Variants in ITCH observed in about 807,000 individuals in gnomAD.
The protein encoded by ITCH is E3 ubiquitin-protein ligase Itchy homolog.
A neutral mutation model predicts 126.8 loss-of-function variants in ITCH; 28 were observed. The ratio of observed to expected loss-of-function variants is 0.22; its 90% confidence interval spans 0.16 to 0.30. The LOEUF (loss-of-function observed/expected upper bound fraction) is 0.30. Ranked by LOEUF, ITCH falls within the 10% of genes least tolerant of loss-of-function variation. The pLI is 1.00. For missense variants in ITCH, 631 were observed against 1,032.4 expected (o/e 0.61, Z 5.33); for synonymous variants, 342 against 340.0 (o/e 1.01, Z -0.06).
intron 14 of ITCH, among the ~76,000 whole-genome samples, chr20:34,466,982 C>G (rs1452331382): frequency 6.6e-6 from 1 of 152,016 alleles, no homozygotes; most frequent in Admixed American, 6.6e-5. Flanking sequence ...GCGCCCAAAG[C>G]TAGAAGATAA....
chr20:34,422,857 T>C (rs949586043), intron 6 of ITCH, among the ~76,000 whole-genome samples: 28 of 151,972 alleles, frequency 1.8e-4, no homozygotes, highest in African/African-American at 6.5e-4. Flanking sequence ...TGCAGTGGTG[T>C]GATCTCTGCT....
At chr20:34,451,428 C>G (rs1337921745) in intron 12 of ITCH, among the ~76,000 whole-genome samples, 1 of 152,004 alleles carries the variant, frequency 6.6e-6, no homozygotes, top group Non-Finnish European at 1.5e-5. Flanking sequence ...CTATTGCACT[C>G]CAGCCCGGGT....
Position 34,469,005 on chromosome 20 carries a change from A to C in ITCH, c.1425-1043A>C, listed in dbSNP as rs531742348. Among the ~76,000 whole-genome samples, 72 of 152,206 alleles carry C rather than the reference A, an allele frequency of 4.7e-4. 1 individual carries two copies. The highest frequency in any genetic ancestry group is 1.4e-3 in the South Asian group (7 of 4,836). On this transcript the variant is annotated intron_variant, in intron 14 of 24. Transcript: ENST00000374864. ...CAGTTGTATTTCTACACTGATATAC[A>C]TTGAATTTTTAAGAGGGAGATAATG...
chr20:34,397,696 T>A (rs1294479341), intron 3 of ITCH, among the ~76,000 whole-genome samples: 1 of 152,194 alleles, frequency 6.6e-6, no homozygotes, highest in Non-Finnish European at 1.5e-5. Context: ...AAGAAAGATA[T>A]TACTATTTCT....
chr20:34,442,268 A>G lies in ITCH; in HGVS notation c.930A>G (p.Arg310=). The change falls in exon 10 of 25, where the codon AGA becomes AGG. Residue 310 remains arginine, a synonymous_variant. Transcript: ENST00000374864. The part of the protein sequence containing the change: ...RVYYVDHVEK[R]TTWDRPEPLP... ...ACTATGTAGATCATGTTGAGAAAAG[A>G]ACAACATGGGATAGACCAGAACCTC... 6.2e-7 allele frequency: 1 copy of G among 1,613,716 alleles called. No individual in the cohort carries two copies. The highest frequency in any genetic ancestry group is 8.5e-7 in the Non-Finnish European group (1 of 1,179,624).
intron 2 of ITCH, among the ~76,000 whole-genome samples, chr20:34,373,320 G>A (rs147140736): frequency 6.6e-6 from 1 of 150,970 alleles, no homozygotes; most frequent in African/African-American, 2.4e-5. Flanking sequence ...TTCTCGCCCA[G>A]GCTGGAGTGC....
At chr20:34,414,569 C>T (rs1048138775) in intron 6 of ITCH, among the ~76,000 whole-genome samples, 7 of 148,926 alleles carry the variant, frequency 4.7e-5, no homozygotes, top group South Asian at 2.1e-4. Context: ...TGGGTTCAAG[C>T]GATTTTCCTG....
chr20:34,459,362 C>A (rs183344974), intron 13 of ITCH, among the ~76,000 whole-genome samples: 1 of 152,072 alleles, frequency 6.6e-6, no homozygotes, highest in African/African-American at 2.4e-5. Flanking sequence ...GGCTTGATCA[C>A]GTACTGCCCT....
intron 16 of ITCH, among the ~76,000 whole-genome samples, chr20:34,477,344 AAC>A (rs1988325615): frequency 6.6e-6 from 1 of 152,196 alleles, no homozygotes; most frequent in African/African-American, 2.4e-5. Flanking sequence ...CAGCCTGGCC[AAC>A]ATGGCAAAAC....
chr20:34,471,796 T>TGTGTGTGTG (rs58040161), intron 16 of ITCH, among the ~76,000 whole-genome samples: 16 of 150,164 alleles, frequency 1.1e-4, no homozygotes, highest in African/African-American at 3.2e-4. Flanking sequence ...TGTGTGTGTG[T>TGTGTGTGTG]TTCAGGTTTC....
At chr20:34,389,177 T>C (rs2038398519) in intron 2 of ITCH, among the ~76,000 whole-genome samples, 1 of 152,088 alleles carries the variant, frequency 6.6e-6, no homozygotes, top group Non-Finnish European at 1.5e-5. Flanking sequence ...TTTTTTATTA[T>C]TTTTTAAAAA....
In ITCH at chr20:34,508,462, C is replaced by T. The variant is rs1330148034; in HGVS notation, c.*668C>T. The T allele has an allele frequency of 3.8e-5, 6 of 157,404 alleles. No homozygotes were observed. Among genetic ancestry groups the T allele is most frequent in the Admixed American group, 2.4e-4 (4 of 16,538 alleles). 9.8% of individuals were successfully genotyped at this position (157,404 alleles called of 1,614,324 possible). ...AAGTCTGATTGTTTCAGTTGCCTGA[C>T]AAATACTACACTTTACAAACAATGT... On this transcript the variant is annotated 3_prime_UTR_variant, in exon 25 of 25. Coordinates refer to ENST00000374864, the MANE Select transcript of ITCH (RefSeq NM_031483.7).
chr20:34,462,970 G>A (rs1035107022), intron 14 of ITCH, among the ~76,000 whole-genome samples: 1 of 152,186 alleles, frequency 6.6e-6, no homozygotes, highest in African/African-American at 2.4e-5. Context: ...ATATTCCAGT[G>A]TATGTATATA....
intron 3 of ITCH, among the ~76,000 whole-genome samples, chr20:34,399,485 T>G (rs540188941): frequency 6.6e-6 from 1 of 152,236 alleles, no homozygotes; most frequent in South Asian, 2.1e-4. Flanking sequence ...GATCAGTATT[T>G]GACTAGAGTC....
At chr20:34,377,601 C>A (rs1345921447) in intron 2 of ITCH, among the ~76,000 whole-genome samples, 1 of 152,062 alleles carries the variant, frequency 6.6e-6, no homozygotes, top group Non-Finnish European at 1.5e-5. Flanking sequence ...CGGTGGCTTA[C>A]ACCTGTAATC....
chr20:34,440,287 C>T lies in ITCH; in HGVS notation c.812C>T (p.Ser271Phe). 2 of 1,614,150 alleles carry T rather than the reference C, an allele frequency of 1.2e-6. No individual in the cohort carries two copies. The highest frequency in any genetic ancestry group is 1.7e-6 in the Non-Finnish European group (2 of 1,179,974). ...TSGLIIPLTISGGSGPRPLNP... is the reference protein window; with the variant it reads ...TSGLIIPLTIFGGSGPRPLNP... ...GGATTAATAATTCCTCTTACTATATCTGGAGGCTCAGGCCCTAGGCCATTA... is the reference window on the plus strand; with the variant it reads ...GGATTAATAATTCCTCTTACTATATTTGGAGGCTCAGGCCCTAGGCCATTA... Residue 271 changes from serine to phenylalanine, a missense_variant, in exon 9 of 25, where the codon TCT becomes TTT. This residue lies in a region of ITCH where 390 missense variants were observed against 731.6 expected (regional missense o/e 0.53). Coordinates refer to ENST00000374864, the MANE Select transcript of ITCH (RefSeq NM_031483.7).
At chr20:34,465,435 TA>T (rs1355713542) in intron 14 of ITCH, among the ~76,000 whole-genome samples, 1 of 152,202 alleles carries the variant, frequency 6.6e-6, no homozygotes, top group East Asian at 1.9e-4. Context: ...TGGATTTTGA[TA>T]GGGGATTTTA....
At chr20:34,372,112 C>G (rs904655395) in intron 2 of ITCH, among the ~76,000 whole-genome samples, 1 of 151,738 alleles carries the variant, frequency 6.6e-6, no homozygotes, top group African/African-American at 2.4e-5. Context: ...CGAGACCATC[C>G]TGACTAACAT....
At chr20:34,385,206 TG>T in intron 2 of ITCH, among the ~76,000 whole-genome samples, 2 of 141,700 alleles carry the variant, frequency 1.4e-5, no homozygotes, top group African/African-American at 5.4e-5. Flanking sequence ...TGTGTGTGTG[TG>T]TGTGTGTGTG....
Sources: allele counts gnomAD v4.1 joint callset (sites outside exome capture counted in the v4.1 genomes callset), GRCh38; gene constraint gnomAD v4.1.1; regional missense constraint gnomAD v4.1.1; transcripts MANE v1.5; gene names NCBI Gene and HGNC (gene_info 2026-07-23, HGNC 2026-07-21).